NLRP12: variants seen among roughly 807,000 people sequenced by gnomAD.
The protein encoded by NLRP12 is NACHT, LRR and PYD domains-containing protein 12.
NLRP12 carries 108 observed loss-of-function variants against 91.2 expected under a neutral mutation model. The ratio of observed to expected loss-of-function variants is 1.18; its 90% CI spans 1.01 to 1.39. NLRP12 has a LOEUF of 1.39. Among genes scored for constraint, NLRP12 ranks in the 40% most tolerant of loss-of-function variants. NLRP12 has a pLI of 0.00. For synonymous variants in NLRP12, 613 were observed against 566.7 expected (o/e 1.08, Z -1.16); for missense variants, 1,530 against 1,352.7 (o/e 1.13, Z -2.06).
At chr19:53,803,156 G>T (rs1438836390) in intron 6 of NLRP12, among the ~76,000 whole-genome samples, 1 of 152,054 alleles carries the variant, frequency 6.6e-6, no homozygotes, top group Non-Finnish European at 1.5e-5. Context: ...ACGCTACTGG[G>T]AAATCATCAC....
Position 53,807,648 on chromosome 19 carries a change from A to T in NLRP12, c.2090T>A (p.Leu697Gln). The change falls in exon 4 of 10, where the codon CTG (leucine) becomes CAG (glutamine). Residue 697 changes from leucine (L) to glutamine (Q), a missense_variant. Leu to Gln is a moderately radical substitution (Grantham distance 113). Coordinates refer to ENST00000324134, the MANE Select transcript of NLRP12 (RefSeq NM_144687.4). ...LLVQLPERTV[L>Q]LDAYSEHLAA... Reference sequence around the variant, plus strand: ...CAGATGTTCACTGTAGGCGTCCAGCAGAACGGTCCTCTCTGGTCTGCTTGA... The same window carrying T: ...CAGATGTTCACTGTAGGCGTCCAGCTGAACGGTCCTCTCTGGTCTGCTTGA... 1 of 1,614,180 alleles carries T rather than the reference A, an allele frequency of 6.2e-7. No individual in the cohort carries two copies. Among genetic ancestry groups the T allele is most frequent in the Non-Finnish European group, 8.5e-7 (1 of 1,180,034 alleles).
chr19:53,801,453 T>TTC, intron 6 of NLRP12, 56 bp from the exon 7 acceptor site: 2 of 1,415,756 alleles, frequency 1.4e-6, no homozygotes, highest in East Asian at 2.5e-5. Flanking sequence ...TTTTTCTTTT[T>TTC]TTTTTTTTTT....
chr19:53,800,565 C>A (rs1031715751), intron 7 of NLRP12, among the ~76,000 whole-genome samples: 1 of 148,638 alleles, frequency 6.7e-6, no homozygotes, highest in East Asian at 2.0e-4. Context: ...GTGCAAAGGG[C>A]CGTGCGTCAG....
At position 53,795,971 on chromosome 19, in the gene NLRP12, TC is replaced by T. The variant is rs2091750954; in HGVS notation, c.2985del (p.Ile996SerfsTer5). On this transcript the variant is annotated frameshift_variant, in exon 9 of 10. Transcript: ENST00000324134. LOFTEE classifies it high-confidence loss of function. ...TAAAGGTCGGTCAAGGTCTGGTTGA[TC>T]CCCAGGGTGAAGTAAAGATTCTCAC... ...KACENLYFTL[G>X]INQTLTDLYL... 2 of 1,613,942 alleles carry T rather than the reference TC, an allele frequency of 1.2e-6. No individual in the cohort carries two copies. Among genetic ancestry groups the T allele is most frequent in the Admixed American group, 3.3e-5 (2 of 59,962 alleles).
At position 53,810,489 on chromosome 19, in the gene NLRP12, G is replaced by A. The variant is rs146245368; in HGVS notation, c.1170C>T (p.Tyr390=). The change falls in exon 3 of 10, where the codon TAC becomes TAT. Residue 390 remains tyrosine (Y), a synonymous_variant. Transcript: ENST00000324134. ...NAEQAGQVFN[Y]VRDNEPLFTM... ...TGAAGAGAGGCTCGTTGTCCCTCACGTAATTGAAGACTTGGCCCGCCTGCT... is the reference window on the plus strand; with the variant it reads ...TGAAGAGAGGCTCGTTGTCCCTCACATAATTGAAGACTTGGCCCGCCTGCT... 297 of 1,614,050 alleles carry A rather than the reference G, an allele frequency of 1.8e-4. No individual in the cohort carries two copies. In the African/African-American group the frequency reaches 3.2e-3, roughly 17 times the overall value.
In NLRP12 at chr19:53,809,970, C is replaced by G. The variant is rs2092035645; in HGVS notation, c.1689G>C (p.Leu563=). ...TGGTCTCCTCGTTCAGGAGTCCAAA[C>G]AGGAAGCGGCTGGTGAGTGCCAGGA... ...RSFLALTSRF[L]FGLLNEETRS... Residue 563 remains leucine (L), a synonymous_variant, in exon 3 of 10, where the codon CTG becomes CTC. Coordinates refer to ENST00000324134, the MANE Select transcript of NLRP12 (RefSeq NM_144687.4). 6.2e-7 allele frequency: 1 copy of G among 1,614,048 alleles called. No individual in the cohort carries two copies. Among genetic ancestry groups the G allele is most frequent in the Non-Finnish European group, 8.5e-7 (1 of 1,180,036 alleles).
intron 1 of NLRP12, among the ~76,000 whole-genome samples, chr19:53,817,051 G>A (rs1031087090): frequency 5.3e-5 from 8 of 151,714 alleles, no homozygotes; most frequent in African/African-American, 1.9e-4. Context: ...CAGCACTTTG[G>A]GAGGCCAAGG....
chr19:53,814,829 G>C (rs1045390229), intron 2 of NLRP12, 79 bp downstream of exon 2: 1 of 1,125,964 alleles, frequency 8.9e-7, no homozygotes, highest in Non-Finnish European at 1.4e-6. Flanking sequence ...TCAATCACGC[G>C]TTTGTGGTTG....
chr19:53,800,762 A>C (rs577094733), intron 7 of NLRP12, among the ~76,000 whole-genome samples: 1 of 151,964 alleles, frequency 6.6e-6, no homozygotes, highest in Non-Finnish European at 1.5e-5. Context: ...TTGTATTTTT[A>C]GTACAGATGG....
At position 53,805,327 on chromosome 19, in the gene NLRP12, C is replaced by G; in HGVS notation, c.2367G>C (p.Leu789=). The change falls in exon 5 of 10, where the codon CTG becomes CTC. Residue 789 remains leucine, a synonymous_variant. Coordinates refer to ENST00000324134, the MANE Select transcript of NLRP12 (RefSeq NM_144687.4). ...GGGGATGCCGCAGGCCCTCGCAAAG[C>G]AGCATCATGCCTGGGAATCCAACGC... ...GNGVGFPGMM[L]LCEGLRHPQC... 2.5e-6 allele frequency: 4 copies of G among 1,614,108 alleles called. No homozygotes were observed. Among genetic ancestry groups the G allele is most frequent in the Non-Finnish European group, 2.5e-6 (3 of 1,180,016 alleles).
At chr19:53,807,348 G>T (rs550638615) in intron 4 of NLRP12, 147 bp downstream of exon 4, 1 of 759,578 alleles carries the variant, frequency 1.3e-6, no homozygotes, top group South Asian at 1.7e-5. Context: ...GATTACAGAC[G>T]TGAGCCACGG....
At chr19:53,795,293 G>C (rs1274703486) in intron 9 of NLRP12, among the ~76,000 whole-genome samples, 2 of 151,910 alleles carry the variant, frequency 1.3e-5, no homozygotes, top group Non-Finnish European at 2.9e-5. Flanking sequence ...TTGAACCCAG[G>C]CAGAGTAATT....
At chr19:53,797,338 T>G (rs1210860149) in intron 8 of NLRP12, among the ~76,000 whole-genome samples, 2 of 152,150 alleles carry the variant, frequency 1.3e-5, no homozygotes, top group Non-Finnish European at 2.9e-5. Context: ...TTGGCCAGGC[T>G]GGTCTCAAAC....
chr19:53,797,497 G>A (rs1276797173), intron 8 of NLRP12, among the ~76,000 whole-genome samples: 3 of 151,878 alleles, frequency 2.0e-5, no homozygotes, highest in African/African-American at 4.8e-5. Flanking sequence ...TCAGCTCACT[G>A]TAATCTCGCC....
At chr19:53,822,291 A>G (rs2092272846) in intron 1 of NLRP12, among the ~76,000 whole-genome samples, 4 of 152,126 alleles carry the variant, frequency 2.6e-5, no homozygotes, top group Admixed American at 2.0e-4. Context: ...AGAATTCCAG[A>G]TCTCCCAGGC....
chr19:53,819,863 AGAAAGGAAGGAG>A (rs1304253812), intron 1 of NLRP12, among the ~76,000 whole-genome samples: 1 of 151,172 alleles, frequency 6.6e-6, no homozygotes, highest in African/African-American at 2.4e-5. Context: ...AGAAAAGAAA[AGAAAGGAAGGAG>A]GGAAGGAAAG....
chr19:53,796,226 A>G, intron 8 of NLRP12, 197 bp from the exon 9 acceptor site: 1 of 620,826 alleles, frequency 1.6e-6, no homozygotes, highest in South Asian at 1.6e-5. Context: ...ACCACCACCA[A>G]TTAGCATGGC....
At chr19:53,821,328 G>A (rs554674004) in intron 1 of NLRP12, among the ~76,000 whole-genome samples, 208 of 149,908 alleles carry the variant, frequency 1.4e-3, no homozygotes, top group African/African-American at 4.7e-3. Context: ...GTGAGCCACC[G>A]CACCCAGCTC....
chr19:53,822,522 G>C (rs1464854701), intron 1 of NLRP12, among the ~76,000 whole-genome samples: 1 of 151,954 alleles, frequency 6.6e-6, no homozygotes, highest in Non-Finnish European at 1.5e-5. Context: ...CACGAGGTCA[G>C]AAGTTCAAGA....
Sources: allele counts gnomAD v4.1 joint callset (sites outside exome capture counted in the v4.1 genomes callset), GRCh38; gene constraint gnomAD v4.1.1; transcripts MANE v1.5; gene names NCBI Gene and HGNC (gene_info 2026-07-23, HGNC 2026-07-21).